The following ATOSA variants were observed in gnomAD, a reference collection of about 807,000 sequenced individuals.
The protein encoded by ATOSA is atos homolog protein A.
the ATOSA span, chr15:52,605,256 A>G: frequency 1.3e-6 from 2 of 1,542,130 alleles, no homozygotes; most frequent in Non-Finnish European, 1.8e-6. Context: ...TCTGTTAGGA[A>G]AATAATTAGA....
chr15:52,617,952 C>T, the ATOSA span, among the ~76,000 whole-genome samples: 3 of 152,048 alleles, frequency 2.0e-5, no homozygotes. Flanking sequence ...GACCCATCTG[C>T]AGGCCTCTAA....
the ATOSA span, among the ~76,000 whole-genome samples, chr15:52,653,468 G>T: frequency 2.0e-5 from 3 of 152,080 alleles, no homozygotes; most frequent in Non-Finnish European, 4.4e-5. Flanking sequence ...AGGGAGAGCT[G>T]CTAAGCCCCC....
chr15:52,651,580 T>TATCAC, the ATOSA span, among the ~76,000 whole-genome samples: 1 of 152,224 alleles, frequency 6.6e-6, no homozygotes, highest in Non-Finnish European at 1.5e-5. Context: ...TTCTCATTTC[T>TATCAC]ATCACATTTT....
At chr15:52,619,961 A>G in the ATOSA span, among the ~76,000 whole-genome samples, 1 of 152,228 alleles carries the variant, frequency 6.6e-6, no homozygotes, top group Non-Finnish European at 1.5e-5. Flanking sequence ...CCGGTGATTA[A>G]CCAATGAAAA....
At chr15:52,682,107 T>C in the ATOSA span, among the ~76,000 whole-genome samples, 3 of 152,226 alleles carry the variant, frequency 2.0e-5, no homozygotes, top group Non-Finnish European at 4.4e-5. Flanking sequence ...GCATGTCTAA[T>C]ACTGGCTGGC....
chr15:52,701,992 A>G, the ATOSA span, among the ~76,000 whole-genome samples: 1 of 152,118 alleles, frequency 6.6e-6, no homozygotes, highest in Non-Finnish European at 1.5e-5. Context: ...AAAATGGGCA[A>G]ATAACAAACA....
the ATOSA span, among the ~76,000 whole-genome samples, chr15:52,693,873 C>CT: frequency 6.6e-6 from 1 of 152,180 alleles, no homozygotes; most frequent in Non-Finnish European, 1.5e-5. Flanking sequence ...CTAGCCTTGC[C>CT]TCTCATACTT....
At chr15:52,678,233 C>T in the ATOSA span, 1 of 629,566 alleles carries the variant, frequency 1.6e-6, no homozygotes, top group Admixed American at 2.8e-5. Context: ...GTGACAGCAC[C>T]CTCGGCTGGT....
the ATOSA span, chr15:52,651,881 A>G: frequency 6.5e-7 from 1 of 1,535,560 alleles, no homozygotes. Context: ...TTCTCTGTGA[A>G]GCCCTTTGTT....
At chr15:52,695,668 G>C in the ATOSA span, among the ~76,000 whole-genome samples, 1 of 152,172 alleles carries the variant, frequency 6.6e-6, no homozygotes, top group Non-Finnish European at 1.5e-5. Flanking sequence ...TGAATAAATG[G>C]TATGAGATAT....
chr15:52,601,890 G>A, the ATOSA span, among the ~76,000 whole-genome samples: 38 of 152,250 alleles, frequency 2.5e-4, no homozygotes, highest in East Asian at 4.6e-3. Context: ...AAACCACCTC[G>A]ACATTTTGGA....
the ATOSA span, among the ~76,000 whole-genome samples, chr15:52,653,290 T>C: frequency 8.5e-5 from 13 of 152,246 alleles, no homozygotes; most frequent in East Asian, 2.5e-3. Context: ...AAGCCACAAA[T>C]AGCATGCAAT....
the ATOSA span, among the ~76,000 whole-genome samples, chr15:52,591,964 T>A: frequency 6.6e-6 from 1 of 152,296 alleles, no homozygotes; most frequent in South Asian, 2.1e-4. Flanking sequence ...CAGTCACCAC[T>A]CTGCTTTTTC....
chr15:52,603,183 G>A, the ATOSA span, among the ~76,000 whole-genome samples: 1,318 of 152,158 alleles, frequency 8.7e-3, 10 homozygotes, highest in Non-Finnish European at 0.011. Context: ...CTGAACAGAC[G>A]TTTCTCAAAA....
At chr15:52,584,111 G>GAAA in the ATOSA span, among the ~76,000 whole-genome samples, 1 of 130,836 alleles carries the variant, frequency 7.6e-6, no homozygotes, top group Non-Finnish European at 1.6e-5. Flanking sequence ...AAAAAAAAAA[G>GAAA]AAAAATATAA....
At chr15:52,691,608 G>T in the ATOSA span, among the ~76,000 whole-genome samples, 1 of 152,114 alleles carries the variant, frequency 6.6e-6, no homozygotes. Flanking sequence ...GCTGAGGTGG[G>T]AGAGTAGCTT....
the ATOSA span, among the ~76,000 whole-genome samples, chr15:52,685,425 T>G: frequency 1.3e-3 from 192 of 147,954 alleles, no homozygotes; most frequent in African/African-American, 3.6e-3. Flanking sequence ...AGTTTTTTTT[T>G]TTTGTTTTGT....
the ATOSA span, among the ~76,000 whole-genome samples, chr15:52,614,470 T>C: frequency 6.6e-6 from 1 of 152,168 alleles, no homozygotes; most frequent in Non-Finnish European, 1.5e-5. Context: ...ACACATTTTC[T>C]GAGAAATTTA....
chr15:52,634,449 A>T, the ATOSA span, among the ~76,000 whole-genome samples: 1 of 152,136 alleles, frequency 6.6e-6, no homozygotes, highest in African/African-American at 2.4e-5. Flanking sequence ...ATAAAATTGT[A>T]AATAGCGGAT....
Sources: gnomAD v4.1 joint callset for allele counts (sites outside exome capture counted in the v4.1 genomes callset) on GRCh38, gnomAD v4.1.1 for gene constraint, MANE v1.5 for transcripts, NCBI Gene and HGNC (gene_info 2026-07-23, HGNC 2026-07-21) for gene names.